TIAM1: variants seen among roughly 807,000 people sequenced by gnomAD.
The protein encoded by TIAM1 is TIAM Rac1 associated GEF 1, also known as rho guanine nucleotide exchange factor TIAM1.
In TIAM1, 65 loss-of-function variants were observed where a neutral mutation model predicts 163.5. The observed-to-expected ratio is 0.40, with a 90% CI of 0.33 to 0.49. The LOEUF is 0.49. TIAM1 is among the 20% of genes least tolerant of loss of function. The pLI is 0.77. For missense variants in TIAM1, 1,789 were observed against 2,044.7 expected, an observed-to-expected ratio of 0.87 and a Z score of 2.41; for synonymous variants, 833 against 810.1, an observed-to-expected ratio of 1.03 and a Z score of -0.48.
At position 31,483,057 on chromosome 21, in the gene TIAM1, T is replaced by G. The variant is rs558220174; in HGVS notation, c.-421-19022A>C. ...TGAAGGACAGGAACCCAAGTGTATC[T>G]GGCTGTAAAGGCCATGGTCTTGGTA... is the stretch of plus-strand genomic sequence containing the variant. On this transcript the variant is annotated intron_variant, in intron 1 of 28. Transcript: ENST00000286827. 8.5e-5 allele frequency among the ~76,000 whole-genome samples: 13 copies of G among 152,338 alleles called. No homozygotes were observed. The South Asian group carries it at 2.7e-3, about 32-fold the overall frequency.
chr21:31,347,253 C>G (rs1352320535), upstream of TIAM1, among the ~76,000 whole-genome samples: 1 of 152,146 alleles, frequency 6.6e-6, no homozygotes. Flanking sequence ...CAGATCTGAA[C>G]AGAACGGCTT....
chr21:31,204,395 T>C (rs1161567882), intron 11 of TIAM1, among the ~76,000 whole-genome samples: 1 of 152,174 alleles, frequency 6.6e-6, no homozygotes, highest in African/African-American at 2.4e-5. Flanking sequence ...TTTATACAAA[T>C]TGGACATTTT....
intron 1 of TIAM1, among the ~76,000 whole-genome samples, chr21:31,492,592 A>C (rs541335915): frequency 6.6e-6 from 1 of 152,158 alleles, no homozygotes; most frequent in Admixed American, 6.5e-5. Context: ...ACCAGACCAA[A>C]CCAATGTACA....
intron 2 of TIAM1, among the ~76,000 whole-genome samples, chr21:31,383,240 A>G (rs1420651319): frequency 6.7e-6 from 1 of 149,460 alleles, no homozygotes; most frequent in South Asian, 2.1e-4. Flanking sequence ...ACTCCCTCTC[A>G]AAAAAAAAAG....
At chr21:31,188,706 T>C (rs998995163) in intron 13 of TIAM1, among the ~76,000 whole-genome samples, 3 of 152,152 alleles carry the variant, frequency 2.0e-5, no homozygotes, top group African/African-American at 7.2e-5. Flanking sequence ...CCAGAAGACC[T>C]GGGACTACAT....
intron 2 of TIAM1, among the ~76,000 whole-genome samples, chr21:31,278,781 C>G (rs904019890): frequency 6.6e-6 from 1 of 152,176 alleles, no homozygotes; most frequent in Admixed American, 6.5e-5. Flanking sequence ...TCCCTTTCCA[C>G]AATTCCCCCA....
In TIAM1 at chr21:31,161,152, T is replaced by C. The variant is rs571892256; in HGVS notation, c.2991+3810A>G. Among the ~76,000 whole-genome samples the C allele has an allele frequency of 3.3e-5, 5 of 151,876 alleles. No homozygotes were observed. In the South Asian group the frequency reaches 1.0e-3, roughly 32 times the overall value. Reference sequence around the variant, plus strand: ...GCAGACATTTCTGAGACAAAAACAATATGGATGAGAAAGAAAAAGTCATTC... The same window carrying C: ...GCAGACATTTCTGAGACAAAAACAACATGGATGAGAAAGAAAAAGTCATTC... On this transcript the variant is annotated intron_variant, in intron 16 of 27. Transcript: ENST00000541036.
intron 22 of TIAM1, among the ~76,000 whole-genome samples, chr21:31,136,639 A>C (rs971319532): frequency 6.6e-6 from 1 of 152,196 alleles, no homozygotes; most frequent in Non-Finnish European, 1.5e-5. Flanking sequence ...GAATTTCAGA[A>C]AAGGATGGCA....
chr21:31,210,689 GAA>G (rs1347687416), intron 10 of TIAM1, among the ~76,000 whole-genome samples: 13 of 74,862 alleles, frequency 1.7e-4, no homozygotes, highest in African/African-American at 3.3e-4. Context: ...GAAAGAAAAA[GAA>G]AGAAAGAAAG....
At chr21:31,215,568 GA>G (rs398040071) in intron 9 of TIAM1, among the ~76,000 whole-genome samples, 1,638 of 75,546 alleles carry the variant, frequency 0.022, 14 homozygotes, top group African/African-American at 0.05. Flanking sequence ...TCTCAAAAAA[GA>G]AAAAAAAAAA....
At chr21:31,149,640 G>A (rs1004222792) in intron 19 of TIAM1, among the ~76,000 whole-genome samples, 1 of 152,144 alleles carries the variant, frequency 6.6e-6, no homozygotes, top group Non-Finnish European at 1.5e-5. Context: ...TATAATGAAT[G>A]TTAGCTACTT....
intron 2 of TIAM1, among the ~76,000 whole-genome samples, chr21:31,415,168 C>T (rs549966870): frequency 7.9e-5 from 12 of 152,250 alleles, no homozygotes; most frequent in African/African-American, 2.9e-4. Flanking sequence ...GGCCCCAAAG[C>T]GTAAGAGAAA....
intron 2 of TIAM1, among the ~76,000 whole-genome samples, chr21:31,319,965 T>C (rs1248838754): frequency 6.6e-6 from 1 of 152,152 alleles, no homozygotes; most frequent in Non-Finnish European, 1.5e-5. Context: ...TTAAATTACA[T>C]GTTTTGTTGT....
At chr21:31,478,867 T>C (rs1381211977) in intron 1 of TIAM1, among the ~76,000 whole-genome samples, 3 of 152,128 alleles carry the variant, frequency 2.0e-5, no homozygotes, top group Non-Finnish European at 2.9e-5. Flanking sequence ...TAAGTTGGAA[T>C]CCTAAAGGAA....
intron 2 of TIAM1, among the ~76,000 whole-genome samples, chr21:31,406,154 T>C (rs570666616): frequency 7.0e-6 from 1 of 141,960 alleles, no homozygotes; most frequent in East Asian, 2.4e-4. Context: ...CAACACAAAT[T>C]GAGTCCCATG....
chr21:31,503,767 G>A (rs375050801), intron 1 of TIAM1, among the ~76,000 whole-genome samples: 216 of 150,990 alleles, frequency 1.4e-3, no homozygotes, highest in African/African-American at 5.1e-3. Flanking sequence ...AGTAAAGTCC[G>A]CCCTCAGAAG....
At chr21:31,419,451 T>A (rs551147499) in intron 2 of TIAM1, among the ~76,000 whole-genome samples, 2 of 152,264 alleles carry the variant, frequency 1.3e-5, no homozygotes, top group South Asian at 4.2e-4. Flanking sequence ...CTCCCCAAGA[T>A]CTTGATCCTT....
At chr21:31,152,415 C>A (rs536620215) in intron 19 of TIAM1, among the ~76,000 whole-genome samples, 205 of 152,308 alleles carry the variant, frequency 1.3e-3, no homozygotes, top group African/African-American at 4.3e-3. Flanking sequence ...GTTGGTACTT[C>A]TTCTCACGTA....
chr21:31,553,706 G>A (rs562693075), intron 1 of TIAM1, among the ~76,000 whole-genome samples: 1 of 152,210 alleles, frequency 6.6e-6, no homozygotes, highest in East Asian at 1.9e-4. Context: ...GACAATGGAG[G>A]CCTCCAACAA....
Sources: gnomAD v4.1 joint callset for allele counts (sites outside exome capture counted in the v4.1 genomes callset) on GRCh38, gnomAD v4.1.1 for gene constraint, MANE v1.5 for transcripts, NCBI Gene and HGNC (gene_info 2026-07-23, HGNC 2026-07-21) for gene names.